The following ZNF638 variants were observed in gnomAD, a reference collection of about 807,000 sequenced individuals.
ZNF638 encodes zinc finger protein 638.
Under a neutral mutation model 195.6 loss-of-function variants are expected in ZNF638, and 46 were observed. The observed-to-expected ratio is 0.24, with a 90% confidence interval of 0.19 to 0.30. The LOEUF (loss-of-function observed/expected upper bound fraction) is 0.30. ZNF638 is among the 10% of genes least tolerant of loss of function. The probability of loss-of-function intolerance (pLI) is 1.00; values close to 1 mark genes in which losing one functional copy is unlikely to be tolerated. For synonymous variants in ZNF638, 845 were observed against 772.0 expected, an observed-to-expected ratio of 1.09 and a Z score of -1.57; for missense variants, 2,440 against 2,325.3, an observed-to-expected ratio of 1.05 and a Z score of -1.01.
At position 71,406,165 on chromosome 2, in the gene ZNF638, T is replaced by A; in HGVS notation, c.3038T>A (p.Leu1013His). 6.2e-7 allele frequency: 1 copy of A among 1,613,842 alleles called. No homozygotes were observed. Among genetic ancestry groups the A allele is most frequent in the Non-Finnish European group, 8.5e-7 (1 of 1,179,796 alleles). ...IDTIYDRFVH[L>H]DNLPEDGLQC... is the part of the protein sequence containing the mutation. ...ACAATTTATGATCGATTTGTACATC[T>A]TGATAATTTACCGGAAGATGGACTT... Residue 1013 changes from leucine (L) to histidine (H), a missense_variant, in exon 19 of 28, where the codon CTT (leucine) becomes CAT (histidine). Leu to His is a moderately conservative substitution (Grantham distance 99, BLOSUM62 -3). Transcript: ENST00000264447.
chr2:71,417,733 G>A (rs1170681744), intron 20 of ZNF638, among the ~76,000 whole-genome samples: 1 of 151,490 alleles, frequency 6.6e-6, no homozygotes, highest in African/African-American at 2.4e-5. Flanking sequence ...CTGTAATTGG[G>A]ACTTAAAAAC....
chr2:71,354,151 C>A (rs549966973), intron 2 of ZNF638, among the ~76,000 whole-genome samples: 61 of 152,280 alleles, frequency 4.0e-4, no homozygotes, highest in African/African-American at 1.5e-3. Context: ...TTCTAATGAC[C>A]TAAACTAAAA....
In ZNF638 at chr2:71,431,340, T is replaced by G. The variant is rs879147436; in HGVS notation, c.5664T>G (p.Ser1888=). Residue 1888 remains serine, a synonymous_variant, in exon 26 of 28, where the codon TCT becomes TCG. Transcript: ENST00000264447. ...AFQMSEVDEE[S]GLKDSEPERK... is the part of the protein sequence containing the mutation. ...GAAAAATTTTAGTTGATGAGGAATC[T>G]GGATTAAAGGATTCAGAACCAGAGC... 1 of 1,612,036 alleles carries G rather than the reference T, an allele frequency of 6.2e-7. No homozygotes were observed. The highest frequency in any genetic ancestry group is 8.5e-7 in the Non-Finnish European group (1 of 1,178,816).
At chr2:71,389,937 G>A (rs928493136) in intron 10 of ZNF638, among the ~76,000 whole-genome samples, 1 of 152,168 alleles carries the variant, frequency 6.6e-6, no homozygotes, top group African/African-American at 2.4e-5. Context: ...TCAACTGGTG[G>A]GGACTGAAAC....
chr2:71,393,737 C>G (rs112869021), intron 10 of ZNF638: 1 of 651,520 alleles, frequency 1.5e-6, no homozygotes, highest in Non-Finnish European at 2.8e-6. Context: ...CTGTTAGATC[C>G]GCCTTTCTTA....
chr2:71,341,799 T>C (rs2078766513), intron 1 of ZNF638: 1 of 152,176 alleles, frequency 6.6e-6, no homozygotes, highest in African/African-American at 2.4e-5. Context: ...GGAGAAAGGT[T>C]TTATAATGGC....
Position 71,423,547 on chromosome 2 carries a change from A to G in ZNF638, c.4033A>G (p.Lys1345Glu). The G allele has an allele frequency of 6.2e-7, 1 of 1,614,118 alleles. No homozygotes were observed. The highest frequency in any genetic ancestry group is 8.5e-7 in the Non-Finnish European group (1 of 1,180,010). ...EGRMDAEKVE[K>E]MAAMKEKPAE... ...TAGGATGGATGCAGAAAAGGTGGAA[A>G]AGATGGCAGCAATGAAAGAAAAGCC... is the stretch of plus-strand genomic sequence containing the variant. The change falls in exon 22 of 28, where the codon AAG becomes GAG. Residue 1345 changes from lysine (K) to glutamate (E), a missense_variant. Lys to Glu is a moderately conservative substitution (Grantham distance 56, BLOSUM62 1). This residue lies in a region of ZNF638 where 1,883 missense variants were observed against 1,739.1 expected (regional missense o/e 1.08). Coordinates refer to ENST00000264447, the MANE Select transcript of ZNF638 (RefSeq NM_014497.5).
chr2:71,357,690 A>T (rs1010551289), intron 3 of ZNF638, among the ~76,000 whole-genome samples: 1 of 152,286 alleles, frequency 6.6e-6, no homozygotes, highest in East Asian at 1.9e-4. Context: ...TCATACATGT[A>T]GGACCCTGAT....
Position 71,349,717 on chromosome 2 carries a change from C to A in ZNF638, c.763C>A (p.Pro255Thr). ...QQNISASVPN[P>T]NVICNSMFPV... ...GAACATTTCTGCATCTGTTCCCAAT[C>A]CAAATGTGATATGTAATTCTATGTT... The change falls in exon 2 of 28, where the codon CCA becomes ACA. Residue 255 changes from proline to threonine, a missense_variant. Coordinates refer to ENST00000264447, the MANE Select transcript of ZNF638 (RefSeq NM_014497.5). 1 of 1,614,188 alleles carries A rather than the reference C, an allele frequency of 6.2e-7. No homozygotes were observed. The highest frequency in any genetic ancestry group is 8.5e-7 in the Non-Finnish European group (1 of 1,180,030).
intron 6 of ZNF638, 151 bp from the exon 7 acceptor site, chr2:71,368,231 G>T: frequency 3.6e-6 from 2 of 551,528 alleles, no homozygotes; most frequent in Non-Finnish European, 3.0e-6. Flanking sequence ...CGTAAAGGAG[G>T]TGGTGAAGGA....
chr2:71,418,036 C>T (rs1309077589), intron 20 of ZNF638, among the ~76,000 whole-genome samples: 1 of 152,136 alleles, frequency 6.6e-6, no homozygotes, highest in African/African-American at 2.4e-5. Context: ...CCCAAGTACC[C>T]AGGACAGTGC....
chr2:71,391,534 C>CT (rs962476907), intron 10 of ZNF638, among the ~76,000 whole-genome samples: 3 of 152,158 alleles, frequency 2.0e-5, no homozygotes, highest in African/African-American at 7.2e-5. Flanking sequence ...AGAGCCAATA[C>CT]TTTTGAGTTT....
Position 71,431,307 on chromosome 2 carries a change from T to G in ZNF638, c.5651-20T>G. On this transcript the variant is annotated intron_variant, in intron 25 of 27. Coordinates refer to ENST00000264447, the MANE Select transcript of ZNF638 (RefSeq NM_014497.5). ...CTGTAAATCTATTCTGAATAGCTTT[T>G]TTTCCTCGAAAAATTTTAGTTGATG... 1 of 1,600,814 alleles carries G rather than the reference T, an allele frequency of 6.2e-7. No individual in the cohort carries two copies. The highest frequency in any genetic ancestry group is 8.5e-7 in the Non-Finnish European group (1 of 1,170,272).
At position 71,407,911 on chromosome 2, in the gene ZNF638, TC is replaced by T. The variant is rs2080137849; in HGVS notation, c.3136-209del. 9.6e-6 allele frequency: 4 copies of T among 415,906 alleles called. No homozygotes were observed. In the East Asian group the frequency reaches 1.2e-4, roughly 13 times the overall value. 25.8% of individuals were successfully genotyped at this position (415,906 alleles called of 1,614,324 possible). A position where few individuals can be genotyped will look rare whatever the true frequency, so the allele number is the denominator to read the frequency against. On this transcript the variant is annotated intron_variant, in intron 19 of 27. Transcript: ENST00000264447. ...TTTACGCATGTAACACATTTTTATA[TC>T]CACTCATCCATTGATGGACAGTTGG...
chr2:71,355,141 T>C (rs1281046296), intron 2 of ZNF638, among the ~76,000 whole-genome samples: 2 of 152,058 alleles, frequency 1.3e-5, no homozygotes, highest in Non-Finnish European at 2.9e-5. Flanking sequence ...GCTAATTTTT[T>C]GTATTTTTAG....
chr2:71,428,536 T>C lies in ZNF638; in HGVS notation c.5546-11T>C. 6.2e-7 allele frequency: 1 copy of C among 1,608,538 alleles called. No individual in the cohort carries two copies. Among genetic ancestry groups the C allele is most frequent in the Non-Finnish European group, 8.5e-7 (1 of 1,176,702 alleles). On this transcript the variant is annotated splice_polypyrimidine_tract_variant and intron_variant, in intron 24 of 27. Coordinates refer to ENST00000264447, the MANE Select transcript of ZNF638 (RefSeq NM_014497.5). ...TTACTAGAGCAATAAATTAGGACTT[T>C]CTTTTTAAAGCTAAAACTCCAACCA... is the stretch of plus-strand genomic sequence containing the variant.
At chr2:71,388,746 G>GGAT in intron 10 of ZNF638, 1 of 1,086,248 alleles carries the variant, frequency 9.2e-7, no homozygotes, top group East Asian at 2.4e-5. Context: ...TGCCCACTCG[G>GGAT]GATATCCAAG....
chr2:71,380,128 TC>T, intron 8 of ZNF638, 93 bp from the exon 9 acceptor site: 1 of 606,866 alleles, frequency 1.6e-6, no homozygotes, highest in South Asian at 3.4e-5. Flanking sequence ...TAATCATGTG[TC>T]CTTTAGAATA....
At chr2:71,380,842 G>GTT (rs2079523566) in intron 10 of ZNF638, 1 of 253,732 alleles carries the variant, frequency 3.9e-6, no homozygotes, top group Non-Finnish European at 7.4e-6. Flanking sequence ...GTTTAGGTTA[G>GTT]TTATGCAATA....
Sources: gnomAD v4.1 joint callset for allele counts (sites outside exome capture counted in the v4.1 genomes callset) on GRCh38, gnomAD v4.1.1 for gene constraint, gnomAD v4.1.1 regional missense constraint, MANE v1.5 for transcripts, NCBI Gene and HGNC (gene_info 2026-07-23, HGNC 2026-07-21) for gene names.